The following CAMKK1 variants were observed in gnomAD, a reference collection of about 807,000 sequenced individuals.
The protein encoded by CAMKK1 is calcium/calmodulin-dependent protein kinase kinase 1.
CAMKK1 carries 20 observed loss-of-function variants against 63.5 expected under a neutral mutation model. That is an observed-to-expected ratio of 0.32 (90% CI 0.22 to 0.46). The LOEUF (loss-of-function observed/expected upper bound fraction) is 0.46, where lower values mean the gene tolerates loss of function less well. Among genes scored for constraint, CAMKK1 ranks in the 20% least tolerant of loss-of-function variants. The pLI, the probability that CAMKK1 is intolerant of heterozygous loss-of-function variation, is 1.00. For synonymous variants in CAMKK1, 253 were observed against 269.0 expected (o/e 0.94, Z 0.58); for missense variants, 588 against 658.1 (o/e 0.89, Z 1.17).
At chr17:3,871,560 G>A (rs143941733) in intron 12 of CAMKK1, among the ~76,000 whole-genome samples, 3 of 149,738 alleles carry the variant, frequency 2.0e-5, no homozygotes, top group South Asian at 2.1e-4. Flanking sequence ...GTTTCACCGT[G>A]TTAGCCAGGA....
intron 7 of CAMKK1, 75 bp from the exon 8 acceptor site, chr17:3,881,723 G>T: frequency 7.5e-7 from 1 of 1,333,710 alleles, no homozygotes; most frequent in Non-Finnish European, 1.1e-6. Flanking sequence ...CCCTGTTCTG[G>T]AGGGTAGGAG....
In CAMKK1 at chr17:3,883,425, A is replaced by C; in HGVS notation, c.514+4T>G. ...TCCCAGGGACAGGATCAGAAGATAC[A>C]TACGTGGAAAGCCATACTGCTTCAG... On this transcript the variant is annotated splice_donor_region_variant and intron_variant, in intron 5 of 15. Transcript: ENST00000348335. The surrounding 1 kb of genome is among the most constrained non-coding windows in gnomAD (Gnocchi z 4.7). The C allele has an allele frequency of 6.2e-7, 1 of 1,613,012 alleles. No homozygotes were observed. Among genetic ancestry groups the C allele is most frequent in the South Asian group, 1.1e-5 (1 of 91,064 alleles).
chr17:3,860,338 G>A lies in CAMKK1; in HGVS notation c.*1873C>T, dbSNP rs2054301852. ...CCTTTTTTTTTTCTTTTTAACTCAA[G>A]AAAGGGCTTTTATTGTTTTTAACTC... On this transcript the variant is annotated 3_prime_UTR_variant, in exon 16 of 16. Coordinates refer to ENST00000348335, the MANE Select transcript of CAMKK1 (RefSeq NM_032294.3). 6.6e-6 allele frequency: 1 copy of A among 152,404 alleles called. No individual in the cohort carries two copies. The highest frequency in any genetic ancestry group is 3.2e-3 in the Middle Eastern group (1 of 316). The allele number at this position is 152,404 out of a possible 1,614,324, so 9.4% of individuals were successfully genotyped here. A position where few individuals can be genotyped will look rare whatever the true frequency, so the allele number is the denominator to read the frequency against.
At chr17:3,876,589 A>G (rs935622673) in intron 9 of CAMKK1, among the ~76,000 whole-genome samples, 167 bp from the exon 10 acceptor site, 1 of 152,180 alleles carries the variant, frequency 6.6e-6, no homozygotes, top group African/African-American at 2.4e-5. Context: ...TGCTCCACGC[A>G]GGTGCAGACA....
At chr17:3,865,258 T>C (rs1361603750) in intron 15 of CAMKK1, 3 of 985,892 alleles carry the variant, frequency 3.0e-6, no homozygotes, top group Non-Finnish European at 3.6e-6. Flanking sequence ...TCCTAGGAGG[T>C]GGTGAACCCA....
rs773232117 is a variant in CAMKK1 at position 3,868,151 on chromosome 17, C to A, written c.1341+1336G>T. Among the ~76,000 whole-genome samples, 41 of 16,284 alleles carry A rather than the reference C, an allele frequency of 2.5e-3. 12 individuals carry two copies. Among genetic ancestry groups the A allele is most frequent in the African/African-American group, 7.4e-3 (16 of 2,154 alleles). The allele number at this position is 16,284 out of a possible 152,430, so 10.7% of individuals were successfully genotyped here. Reference sequence around the variant, plus strand: ...TGGGCTCTGGGGGAGAAGCAGGCGCCGTCTAACTGATACGTGGGCTCTGGG... The same window carrying A: ...TGGGCTCTGGGGGAGAAGCAGGCGCAGTCTAACTGATACGTGGGCTCTGGG... On this transcript the variant is annotated intron_variant, in intron 14 of 15. Transcript: ENST00000348335.
chr17:3,871,822 T>G (rs1756678492), intron 12 of CAMKK1, among the ~76,000 whole-genome samples: 1 of 151,844 alleles, frequency 6.6e-6, no homozygotes, highest in Admixed American at 6.6e-5. Flanking sequence ...ATTTTTGTAT[T>G]TTTAGTAGAG....
intron 12 of CAMKK1, among the ~76,000 whole-genome samples, chr17:3,871,035 T>A (rs1823280384): frequency 6.6e-6 from 1 of 152,112 alleles, no homozygotes; most frequent in South Asian, 2.1e-4. Context: ...TCAGACAAAC[T>A]TCAGGCAAGA....
chr17:3,883,488 AGGAG>A lies in CAMKK1; in HGVS notation c.463-12_463-9del. 4 of 1,612,218 alleles carry A rather than the reference AGGAG, an allele frequency of 2.5e-6. No homozygotes were observed. Among genetic ancestry groups the A allele is most frequent in the Non-Finnish European group, 3.4e-6 (4 of 1,178,250 alleles). On this transcript the variant is annotated splice_polypyrimidine_tract_variant and intron_variant, in intron 4 of 15. Transcript: ENST00000348335. The surrounding 1 kb of genome is among the most constrained non-coding windows in gnomAD (Gnocchi z 4.7). ...GGAAAGGACTTTCATTGCCTAAGGA[AGGAG>A]GGACAGAAATGTCACTACTGTGCAG...
At chr17:3,864,890 C>T (rs1213251259) in intron 15 of CAMKK1, among the ~76,000 whole-genome samples, 7 of 152,170 alleles carry the variant, frequency 4.6e-5, no homozygotes, top group Non-Finnish European at 7.4e-5. Context: ...GGAGGCCTCA[C>T]GGGAAACCAA....
chr17:3,883,867 C>T lies in CAMKK1; in HGVS notation c.462+17G>A, dbSNP rs368995702. On this transcript the variant is annotated intron_variant, in intron 4 of 15. Coordinates refer to ENST00000348335, the MANE Select transcript of CAMKK1 (RefSeq NM_032294.3). The surrounding 1 kb of genome is among the most constrained non-coding windows in gnomAD (Gnocchi z 4.7). ...GGCCTGGCTTGGGCAACACCTCCCT[C>T]GTATCCCCAGACTCACATAGTGTCT... The T allele has an allele frequency of 1.7e-5, 27 of 1,613,352 alleles. No individual in the cohort carries two copies. Among genetic ancestry groups the T allele is most frequent in the African/African-American group, 5.3e-5 (4 of 74,860 alleles).
chr17:3,872,862 G>A (rs2058257), intron 11 of CAMKK1, among the ~76,000 whole-genome samples: 53,553 of 152,100 alleles, frequency 0.35, 10,847 homozygotes, highest in South Asian at 0.6. Flanking sequence ...CCCGCGGCCA[G>A]GCCAGGCCAG....
intron 1 of CAMKK1, among the ~76,000 whole-genome samples, chr17:3,886,995 A>G (rs914720612): frequency 5.9e-5 from 9 of 152,114 alleles, no homozygotes; most frequent in Admixed American, 4.6e-4. Flanking sequence ...GCAACTGAGA[A>G]CATGGGTCTC....
rs978808882 is a variant in CAMKK1, at chr17:3,860,528, C to T, written c.*1683G>A. ...GGGTGGGTCCGATCAAAGTGGTCCC[C>T]CCAGACCAGATGCTCAAGAAACACT... On this transcript the variant is annotated 3_prime_UTR_variant, in exon 16 of 16. Transcript: ENST00000348335. 6.6e-6 allele frequency: 1 copy of T among 152,616 alleles called. No individual in the cohort carries two copies. Among genetic ancestry groups the T allele is most frequent in the African/African-American group, 2.4e-5 (1 of 41,412 alleles). The allele number at this position is 152,616 out of a possible 1,614,324, so 9.5% of individuals were successfully genotyped here.
Position 3,872,611 on chromosome 17 carries a change from T to C in CAMKK1, c.1067A>G (p.Asp356Gly), listed in dbSNP as rs1462492311. The change falls in exon 12 of 16, where the codon GAT becomes GGT. Residue 356 changes from aspartate (D) to glycine (G), a missense_variant. By Grantham distance (94) the Asp-to-Gly change is moderately conservative. Transcript: ENST00000348335. ...CTTCCTGTGGAGGGCCAGGATGAAA[T>C]CGTCGATGAATGGGCACTGTGGGGT... The part of the protein sequence containing the change: ...FVYGKCPFID[D>G]FILALHRKIK... The C allele has an allele frequency of 6.2e-7, 1 of 1,613,828 alleles. No homozygotes were observed. The highest frequency in any genetic ancestry group is 1.3e-5 in the African/African-American group (1 of 74,896).
chr17:3,880,244 G>C (rs1004631079), intron 9 of CAMKK1, 102 bp downstream of exon 9: 14 of 996,560 alleles, frequency 1.4e-5, no homozygotes, highest in Non-Finnish European at 1.5e-5. Context: ...TGGCAGGTCA[G>C]CTCTGACTGA....
At position 3,883,160 on chromosome 17, in the gene CAMKK1, C is replaced by T; in HGVS notation, c.530G>A (p.Arg177Lys). 2 of 1,611,384 alleles carry T rather than the reference C, an allele frequency of 1.2e-6. No individual in the cohort carries two copies. Among genetic ancestry groups the T allele is most frequent in the South Asian group, 1.1e-5 (1 of 91,078 alleles). The change falls in exon 6 of 16, where the codon AGA becomes AAA. Residue 177 changes from arginine (R) to lysine (K), a missense_variant. Physicochemically the swap from Arg to Lys is conservative, Grantham distance 26. This residue lies in a region of CAMKK1 where 357 missense variants were observed against 407.4 expected (regional missense o/e 0.88). Coordinates refer to ENST00000348335, the MANE Select transcript of CAMKK1 (RefSeq NM_032294.3). The surrounding 1 kb of genome is among the most constrained non-coding windows in gnomAD (Gnocchi z 4.7). ...QYGFPRRPPPRGSQAAQGGPA... is the reference protein window; with the variant it reads ...QYGFPRRPPPKGSQAAQGGPA... ...TCCTCCCTGGGCAGCCTGGGACCCT[C>T]TCGGGGGAGGGCGACCTGTGACCAG... is the stretch of plus-strand genomic sequence containing the variant.
intron 13 of CAMKK1, 62 bp from the exon 14 acceptor site, chr17:3,869,677 AG>A: frequency 6.2e-7 from 1 of 1,612,028 alleles, no homozygotes; most frequent in Non-Finnish European, 8.5e-7. Context: ...AATCACCTGG[AG>A]GGGTCCAAAG....
At chr17:3,888,539 G>A (rs998998638) in intron 1 of CAMKK1, among the ~76,000 whole-genome samples, 6 of 152,240 alleles carry the variant, frequency 3.9e-5, no homozygotes, top group Non-Finnish European at 5.9e-5. Flanking sequence ...TCACCTCACC[G>A]CACGTGGTGA....
Sources: allele counts gnomAD v4.1 joint callset (sites outside exome capture counted in the v4.1 genomes callset), GRCh38; gene constraint gnomAD v4.1.1; regional missense constraint gnomAD v4.1.1; non-coding constraint Gnocchi (gnomAD v3.1); transcripts MANE v1.5; gene names NCBI Gene and HGNC (gene_info 2026-07-23, HGNC 2026-07-21).